The following PDE4D variants were observed in gnomAD, a reference collection of about 807,000 sequenced individuals.
PDE4D encodes phosphodiesterase 4D.
PDE4D carries 24 observed loss-of-function variants against 87.4 expected under a neutral mutation model. That is an observed-to-expected ratio of 0.27 (90% CI 0.20 to 0.39). The LOEUF (loss-of-function observed/expected upper bound fraction) is 0.39, where lower values mean the gene tolerates loss of function less well. Among genes scored for constraint, PDE4D ranks in the 10% least tolerant of loss-of-function variants. The probability of loss-of-function intolerance (pLI) is 1.00; values close to 1 mark genes in which losing one functional copy is unlikely to be tolerated. For synonymous variants in PDE4D, 384 were observed against 383.2 expected (o/e 1.00, Z -0.02); for missense variants, 714 against 1,041.0 (o/e 0.69, Z 4.32).
At chr5:59,043,483 A>T (rs1190474224) in intron 5 of PDE4D, among the ~76,000 whole-genome samples, 2 of 152,188 alleles carry the variant, frequency 1.3e-5, no homozygotes, top group African/African-American at 2.4e-5. Flanking sequence ...AGATTGGGCC[A>T]CTGCACTCCA....
intron 2 of PDE4D, among the ~76,000 whole-genome samples, chr5:59,210,176 A>G (rs748519987): frequency 1.3e-5 from 2 of 152,244 alleles, no homozygotes; most frequent in African/African-American, 2.4e-5. Flanking sequence ...TTATCTTGCA[A>G]TCTAGGTAAG....
At chr5:59,488,676 C>CTT (rs11412476) in intron 1 of PDE4D, among the ~76,000 whole-genome samples, 29,836 of 144,746 alleles carry the variant, frequency 0.21, 3,352 homozygotes, top group Non-Finnish European at 0.26. Context: ...AGATAATCTT[C>CTT]TTTTTTTTTT....
At chr5:60,461,608 C>T (rs1055738305) in intron 1 of PDE4D, among the ~76,000 whole-genome samples, 5 of 152,222 alleles carry the variant, frequency 3.3e-5, no homozygotes, top group Non-Finnish European at 5.9e-5. Context: ...GATTCTCCAA[C>T]AAACCAAACC....
chr5:60,333,356 C>T (rs922448287), intron 1 of PDE4D, among the ~76,000 whole-genome samples: 4 of 152,214 alleles, frequency 2.6e-5, no homozygotes, highest in African/African-American at 9.6e-5. Flanking sequence ...ATTTCACCCA[C>T]TCACTTGATG....
At chr5:60,030,845 A>G (rs553961947) in intron 2 of PDE4D, 1 of 152,314 alleles carries the variant, frequency 6.6e-6, no homozygotes, top group East Asian at 1.9e-4. Context: ...TTTTCCGTGT[A>G]AGTTTTAGAC....
intron 1 of PDE4D, among the ~76,000 whole-genome samples, chr5:59,738,056 C>T (rs1758323777): frequency 1.3e-5 from 2 of 152,084 alleles, no homozygotes; most frequent in African/African-American, 4.8e-5. Context: ...CTTTAAAATT[C>T]AGTGAGCAAG....
At chr5:59,848,868 T>C (rs1375266949) in intron 1 of PDE4D, among the ~76,000 whole-genome samples, 1 of 151,962 alleles carries the variant, frequency 6.6e-6, no homozygotes, top group Non-Finnish European at 1.5e-5. Flanking sequence ...TAATTCTCCA[T>C]AAAATTTGAG....
At chr5:59,476,091 A>G (rs756850158) in intron 1 of PDE4D, among the ~76,000 whole-genome samples, 2 of 151,982 alleles carry the variant, frequency 1.3e-5, no homozygotes, top group Non-Finnish European at 2.9e-5. Flanking sequence ...CCACCAACCT[A>G]TTCTCCCTTC....
At chr5:59,414,153 C>T (rs1018662481) in intron 1 of PDE4D, among the ~76,000 whole-genome samples, 1 of 152,144 alleles carries the variant, frequency 6.6e-6, no homozygotes, top group Non-Finnish European at 1.5e-5. Flanking sequence ...CATCTGAACC[C>T]TCACTGAATG....
intron 3 of PDE4D, among the ~76,000 whole-genome samples, chr5:59,903,905 T>C (rs1309949970): frequency 6.6e-6 from 1 of 152,156 alleles, no homozygotes; most frequent in Non-Finnish European, 1.5e-5. Flanking sequence ...TTTAAGAAGA[T>C]GGGTATAAGC....
intron 1 of PDE4D, among the ~76,000 whole-genome samples, chr5:59,604,219 T>C (rs1827887400): frequency 1.3e-5 from 2 of 152,024 alleles, no homozygotes; most frequent in Admixed American, 1.3e-4. Context: ...TTAGTCTCAT[T>C]TCCCAACCTT....
At chr5:59,157,416 G>T (rs1256341907) in intron 5 of PDE4D, 5 of 700,676 alleles carry the variant, frequency 7.1e-6, no homozygotes, top group South Asian at 1.5e-5. Context: ...TTCTAAACAG[G>T]TGCTGTGGTT....
At chr5:60,120,089 A>T (rs1013009173) in intron 2 of PDE4D, among the ~76,000 whole-genome samples, 9 of 152,238 alleles carry the variant, frequency 5.9e-5, no homozygotes, top group South Asian at 2.1e-4. Context: ...ACATCTTCTT[A>T]TGGAAAAAAG....
At chr5:59,340,874 T>A (rs1778612209) in intron 1 of PDE4D, among the ~76,000 whole-genome samples, 1 of 152,222 alleles carries the variant, frequency 6.6e-6, no homozygotes, top group Non-Finnish European at 1.5e-5. Flanking sequence ...TTCCTTTTTG[T>A]GGCTGAATAG....
chr5:59,586,412 T>G, intron 1 of PDE4D: 1 of 1,606,122 alleles, frequency 6.2e-7, no homozygotes, highest in Non-Finnish European at 8.5e-7. Context: ...TTTTCTTGTC[T>G]CCTACGTTAC....
intron 1 of PDE4D, among the ~76,000 whole-genome samples, chr5:59,219,100 C>T (rs1343889004): frequency 6.8e-6 from 1 of 147,196 alleles, no homozygotes; most frequent in African/African-American, 2.5e-5. Flanking sequence ...TGCTAGATGA[C>T]GAGTTAGTGG....
intron 1 of PDE4D, among the ~76,000 whole-genome samples, chr5:59,659,709 C>G (rs1261986134): frequency 6.6e-6 from 1 of 152,150 alleles, no homozygotes; most frequent in African/African-American, 2.4e-5. Context: ...ATTTTGATAA[C>G]TCATCTATCA....
At chr5:58,977,761 T>C (rs1744150691) in intron 11 of PDE4D, among the ~76,000 whole-genome samples, 1 of 152,154 alleles carries the variant, frequency 6.6e-6, no homozygotes, top group African/African-American at 2.4e-5. Context: ...GAGGATCCTG[T>C]GTTACAGGAT....
chr5:60,077,927 A>C (rs1052001263), intron 2 of PDE4D, among the ~76,000 whole-genome samples: 5 of 152,128 alleles, frequency 3.3e-5, no homozygotes, highest in Middle Eastern at 3.4e-3. Context: ...GGTGTGCACT[A>C]GCATTGCTCA....
Sources: allele counts gnomAD v4.1 joint callset (sites outside exome capture counted in the v4.1 genomes callset), GRCh38; gene constraint gnomAD v4.1.1; transcripts MANE v1.5; gene names NCBI Gene and HGNC (gene_info 2026-07-23, HGNC 2026-07-21).